NTM: variants seen among roughly 807,000 people sequenced by gnomAD.
NTM encodes neurotrimin, also known as IgLON family member 2.
In NTM, 13 loss-of-function variants were observed where a neutral mutation model predicts 42.1. The observed-to-expected ratio is 0.31, with a 90% CI of 0.20 to 0.49. The LOEUF is 0.49. NTM is among the 20% of genes least tolerant of loss of function. The pLI, the probability that NTM is intolerant of heterozygous loss-of-function variation, is 0.99. For synonymous variants in NTM, 187 were observed against 179.2 expected, an observed-to-expected ratio of 1.04 and a Z score of -0.35; for missense variants, 373 against 452.8, an observed-to-expected ratio of 0.82 and a Z score of 1.60.
intron 1 of NTM, among the ~76,000 whole-genome samples, chr11:131,765,049 G>A (rs548295345): frequency 6.6e-6 from 1 of 152,074 alleles, no homozygotes; most frequent in Non-Finnish European, 1.5e-5. Flanking sequence ...CCCAGCCGGC[G>A]CTTCTCCAGT....
chr11:131,571,469 C>T (rs541144078), intron 1 of NTM, among the ~76,000 whole-genome samples: 140 of 152,288 alleles, frequency 9.2e-4, no homozygotes, highest in African/African-American at 2.0e-3. Flanking sequence ...CTGGAAATGG[C>T]GCCAGCTCCC....
At chr11:131,919,810 A>G (rs886091631) in intron 2 of NTM, among the ~76,000 whole-genome samples, 1 of 152,152 alleles carries the variant, frequency 6.6e-6, no homozygotes, top group Non-Finnish European at 1.5e-5. Flanking sequence ...AATTTTCATT[A>G]TAAACTATTG....
chr11:131,888,390 C>G (rs1293841009), intron 1 of NTM, among the ~76,000 whole-genome samples: 2 of 152,188 alleles, frequency 1.3e-5, no homozygotes, highest in African/African-American at 4.8e-5. Context: ...ATGCGTCGTT[C>G]ATTCCCCTCC....
At chr11:132,310,077 TG>T (rs746815206) in intron 5 of NTM, 34 bp from the exon 6 acceptor site, 62 of 1,349,768 alleles carry the variant, frequency 4.6e-5, no homozygotes, top group African/African-American at 2.5e-4. Flanking sequence ...AAAAAAAAGG[TG>T]GGGGGGCGGC....
At chr11:131,559,086 T>C (rs1317444027) in intron 1 of NTM, among the ~76,000 whole-genome samples, 2 of 152,252 alleles carry the variant, frequency 1.3e-5, no homozygotes, top group South Asian at 2.1e-4. Flanking sequence ...GGATTCATTA[T>C]GGAAGACCCG....
intron 3 of NTM, among the ~76,000 whole-genome samples, chr11:132,183,833 T>C (rs2077984111): frequency 6.6e-6 from 1 of 152,006 alleles, no homozygotes; most frequent in East Asian, 2.0e-4. Context: ...TTAAAGGCAG[T>C]AGCGATTTCT....
chr11:132,017,994 T>C (rs148825203), intron 2 of NTM, among the ~76,000 whole-genome samples: 84 of 152,180 alleles, frequency 5.5e-4, no homozygotes, highest in Middle Eastern at 6.8e-3. Context: ...TGCTAAATTG[T>C]TTACTAGTTC....
rs980239905 is a variant in NTM at position 132,319,895 on chromosome 11, G to T, written c.934+5192G>T. Reference sequence around the variant, plus strand: ...TAGGGGCAGACTGACACCTCACACAGCCGGGTACTCCTCTGAGACAAACTT... The same window carrying T: ...TAGGGGCAGACTGACACCTCACACATCCGGGTACTCCTCTGAGACAAACTT... On this transcript the variant is annotated intron_variant, in intron 7 of 8. Transcript: ENST00000683400. Among the ~76,000 whole-genome samples, 3 of 152,190 alleles carry T rather than the reference G, an allele frequency of 2.0e-5. No individual in the cohort carries two copies. The East Asian group carries it at 5.8e-4, about 29-fold the overall frequency.
At chr11:132,060,623 T>A (rs1041481076) in intron 2 of NTM, among the ~76,000 whole-genome samples, 7 of 152,218 alleles carry the variant, frequency 4.6e-5, no homozygotes, top group African/African-American at 1.2e-4. Flanking sequence ...TGGAAACCAC[T>A]CATAGAAAAT....
In NTM at chr11:131,680,025, G is replaced by A. The variant is rs1285627173; in HGVS notation, c.83-231539G>A. ...ATGATATTTTATAGCAATATTCAGC[G>A]GCAGATTTTTATCGAGCTTCAGTAA... On this transcript the variant is annotated intron_variant, in intron 1 of 8. Transcript: ENST00000683400. 3.9e-5 allele frequency among the ~76,000 whole-genome samples: 6 copies of A among 152,152 alleles called. No individual in the cohort carries two copies. In the East Asian group the frequency reaches 1.2e-3, roughly 29 times the overall value.
intron 2 of NTM, among the ~76,000 whole-genome samples, chr11:132,032,923 C>A (rs1939716): frequency 0.39 from 59,423 of 152,010 alleles, 12,134 homozygotes; most frequent in East Asian, 0.78. Context: ...TCTCAAGTAC[C>A]TAGATCAGTG....
chr11:131,933,799 C>T (rs1371427266), intron 2 of NTM, among the ~76,000 whole-genome samples: 2 of 151,946 alleles, frequency 1.3e-5, no homozygotes, highest in Non-Finnish European at 2.9e-5. Flanking sequence ...TGAGGAAAAG[C>T]GTGAACTGGG....
chr11:132,235,156 A>G (rs1401403453), intron 4 of NTM, among the ~76,000 whole-genome samples: 3 of 152,198 alleles, frequency 2.0e-5, no homozygotes, highest in African/African-American at 7.2e-5. Flanking sequence ...GTCAACCCAC[A>G]TGGGTTTTCT....
intron 1 of NTM, among the ~76,000 whole-genome samples, chr11:131,595,289 C>A (rs546958434): frequency 1.3e-5 from 2 of 152,146 alleles, no homozygotes; most frequent in African/African-American, 4.8e-5. Flanking sequence ...CCTCCACCAG[C>A]TGAAGGCAAC....
At chr11:132,143,284 A>T (rs2069588382) in intron 2 of NTM, among the ~76,000 whole-genome samples, 1 of 152,198 alleles carries the variant, frequency 6.6e-6, no homozygotes. Flanking sequence ...TCAGAAATGC[A>T]GCCTCCCAGG....
intron 7 of NTM, among the ~76,000 whole-genome samples, chr11:132,326,190 A>T (rs567629367): frequency 8.1e-4 from 124 of 152,306 alleles, no homozygotes; most frequent in African/African-American, 2.9e-3. Context: ...AAAAATAAAA[A>T]AAGTGGCTAA....
intron 1 of NTM, among the ~76,000 whole-genome samples, chr11:131,788,302 A>G (rs2089603732): frequency 6.6e-6 from 1 of 152,038 alleles, no homozygotes; most frequent in South Asian, 2.1e-4. Flanking sequence ...CTTTCCCATT[A>G]TAATTATTTT....
intron 2 of NTM, among the ~76,000 whole-genome samples, chr11:131,937,167 G>A (rs143852837): frequency 1.3e-5 from 2 of 152,074 alleles, no homozygotes; most frequent in Admixed American, 6.5e-5. Context: ...GAAGTTCTGC[G>A]TTTTCACTCA....
intron 1 of NTM, among the ~76,000 whole-genome samples, chr11:131,637,005 A>T (rs1449098595): frequency 1.3e-5 from 2 of 152,090 alleles, no homozygotes; most frequent in African/African-American, 4.8e-5. Flanking sequence ...GATTGCCCTT[A>T]AAGCTGGTTC....
Sources: gnomAD v4.1 joint callset for allele counts (sites outside exome capture counted in the v4.1 genomes callset) on GRCh38, gnomAD v4.1.1 for gene constraint, MANE v1.5 for transcripts, NCBI Gene and HGNC (gene_info 2026-07-23, HGNC 2026-07-21) for gene names.